ZNF366: variants seen among roughly 807,000 people sequenced by gnomAD.
ZNF366 encodes dendritic cell-specific transcript protein.
In ZNF366, 20 loss-of-function variants were observed where a neutral mutation model predicts 47.2. The ratio of observed to expected loss-of-function variants is 0.42; its 90% CI spans 0.30 to 0.62. The LOEUF (loss-of-function observed/expected upper bound fraction) is 0.62. Ranked by LOEUF, ZNF366 falls within the 20% of genes least tolerant of loss-of-function variation. ZNF366 has a pLI of 0.16. For synonymous variants in ZNF366, 421 were observed against 395.1 expected, an observed-to-expected ratio of 1.07 and a Z score of -0.78; for missense variants, 987 against 976.3, an observed-to-expected ratio of 1.01 and a Z score of -0.15.
Position 72,468,629 on chromosome 5 carries a change from TCAA to T in ZNF366, c.-14-7122_-14-7120del, listed in dbSNP as rs939910754. ...TAAGAAGCCCTTAGTAAAAAAATTA[TCAA>T]CAACAGATTCAGCTACTAACTTGCA... On this transcript the variant is annotated intron_variant, in intron 1 of 4. Transcript: ENST00000318442. 1.3e-4 allele frequency among the ~76,000 whole-genome samples: 20 copies of T among 152,364 alleles called. No homozygotes were observed. In the Middle Eastern group the frequency reaches 0.01, roughly 78 times the overall value.
At chr5:72,505,789 C>G (rs1744308131) in intron 1 of ZNF366, among the ~76,000 whole-genome samples, 1 of 152,190 alleles carries the variant, frequency 6.6e-6, no homozygotes. Flanking sequence ...ACCTCTTGAT[C>G]TGAAGATCTA....
Position 72,460,456 on chromosome 5 carries a change from G to C in ZNF366, c.1041C>G (p.Ala347=). 1.2e-6 allele frequency: 2 copies of C among 1,614,094 alleles called. No homozygotes were observed. Among genetic ancestry groups the C allele is most frequent in the Non-Finnish European group, 1.7e-6 (2 of 1,179,994 alleles). The stretch of plus-strand genomic sequence containing the variant: ...CGTGGGCCTTGAGCTCGCTGGGGTA[G>C]GCAAAGCCGCGGCCGCACACGCGGC... ...HNCRVCGRGF[A]YPSELKAHEA... Residue 347 remains alanine (A), a synonymous_variant, in exon 2 of 5, where the codon GCC becomes GCG. Transcript: ENST00000318442.
intron 1 of ZNF366, among the ~76,000 whole-genome samples, chr5:72,481,022 C>A (rs112120525): frequency 6.6e-6 from 1 of 152,048 alleles, no homozygotes; most frequent in African/African-American, 2.4e-5. Context: ...TATTGAAGGA[C>A]GGAAGGAACA....
At chr5:72,490,137 A>G (rs1743976406) in intron 1 of ZNF366, among the ~76,000 whole-genome samples, 1 of 152,234 alleles carries the variant, frequency 6.6e-6, no homozygotes, top group African/African-American at 2.4e-5. Flanking sequence ...CTTCAAGAGT[A>G]GCTTCAAGGG....
intron 1 of ZNF366, among the ~76,000 whole-genome samples, chr5:72,463,273 AC>A: frequency 6.6e-6 from 1 of 152,366 alleles, no homozygotes; most frequent in East Asian, 1.9e-4. Context: ...TACAATTAAA[AC>A]AAAAATGAGC....
In ZNF366 at chr5:72,460,307, T is replaced by G. The variant is rs747508500; in HGVS notation, c.1190A>C (p.Glu397Ala). ...CGGGTACTGGAAGGTCTTGTCGCAC[T>G]CGGAGCAGTTGTACTGGATGGGGCC... ...HRGPIQYNCS[E>A]CDKTFQYPSQ... is the part of the protein sequence containing the mutation. Residue 397 changes from glutamate (E) to alanine (A), a missense_variant, in exon 2 of 5, where the codon GAG becomes GCG. Physicochemically the swap from Glu to Ala is moderately radical, Grantham distance 107. Around this residue, in one of 3 missense-constraint regions of ZNF366, gnomAD observed 591 missense variants for 560.9 expected, o/e 1.05. Transcript: ENST00000318442. 3.1e-6 allele frequency: 5 copies of G among 1,614,096 alleles called. No individual in the cohort carries two copies. Among genetic ancestry groups the G allele is most frequent in the Non-Finnish European group, 4.2e-6 (5 of 1,180,038 alleles).
At chr5:72,484,320 TAAAAATACAAAA>T (rs1743846740) in intron 1 of ZNF366, among the ~76,000 whole-genome samples, 1 of 150,900 alleles carries the variant, frequency 6.6e-6, no homozygotes. Flanking sequence ...CCGTCTCTAC[TAAAAATACAAAA>T]AATTAGCCGG....
In ZNF366 at chr5:72,460,968, A is replaced by C; in HGVS notation, c.529T>G (p.Tyr177Asp). Residue 177 changes from tyrosine (Y) to aspartate (D), a missense_variant, in exon 2 of 5, where the codon TAC becomes GAC. Physicochemically the swap from Tyr to Asp is radical, Grantham distance 160. Coordinates refer to ENST00000318442, the MANE Select transcript of ZNF366 (RefSeq NM_152625.3). ...ATGAGGCCCGGGTGGACTTTGGGGT[A>C]GTAGGGGTAGGGCGTGGGCAGGAAT... ...TPFLPTPYPY[Y>D]PKVHPGLMFP... 1 of 1,613,176 alleles carries C rather than the reference A, an allele frequency of 6.2e-7. No individual in the cohort carries two copies. The highest frequency in any genetic ancestry group is 8.5e-7 in the Non-Finnish European group (1 of 1,179,488).
At chr5:72,473,715 T>C (rs976230228) in intron 1 of ZNF366, among the ~76,000 whole-genome samples, 1 of 152,208 alleles carries the variant, frequency 6.6e-6, no homozygotes, top group Non-Finnish European at 1.5e-5. Context: ...TCCTATGACA[T>C]TAAACCCACT....
At chr5:72,485,846 CT>C (rs1451293997) in intron 1 of ZNF366, among the ~76,000 whole-genome samples, 1 of 152,144 alleles carries the variant, frequency 6.6e-6, no homozygotes, top group Non-Finnish European at 1.5e-5. Flanking sequence ...TCTCCAGCCT[CT>C]GGTTGTTCCT....
chr5:72,451,102 C>CCTG (rs1450888721), intron 3 of ZNF366, among the ~76,000 whole-genome samples: 1 of 152,182 alleles, frequency 6.6e-6, no homozygotes, highest in African/African-American at 2.4e-5. Context: ...CCAAGCAGGA[C>CCTG]CTGCTGAATC....
At chr5:72,456,841 T>C (rs550487796) in intron 2 of ZNF366, among the ~76,000 whole-genome samples, 1 of 152,322 alleles carries the variant, frequency 6.6e-6, no homozygotes. Context: ...AAGAAAGCTC[T>C]TGCTTTTGTT....
chr5:72,464,091 T>C (rs1364176743), intron 1 of ZNF366, among the ~76,000 whole-genome samples: 2 of 152,202 alleles, frequency 1.3e-5, no homozygotes, highest in African/African-American at 4.8e-5. Context: ...GGTTCTCTTT[T>C]TAAAAATTTC....
At chr5:72,468,559 G>A (rs970140683) in intron 1 of ZNF366, among the ~76,000 whole-genome samples, 2 of 152,148 alleles carry the variant, frequency 1.3e-5, no homozygotes, top group African/African-American at 2.4e-5. Context: ...TGTCCATAAT[G>A]AACATGCATA....
chr5:72,487,928 G>T (rs948216505), intron 1 of ZNF366, among the ~76,000 whole-genome samples: 1 of 152,158 alleles, frequency 6.6e-6, no homozygotes, highest in African/African-American at 2.4e-5. Flanking sequence ...ACAGGGTACT[G>T]GGTGCGGTGG....
intron 1 of ZNF366, among the ~76,000 whole-genome samples, chr5:72,463,366 C>T (rs1421045029): frequency 1.3e-5 from 2 of 152,132 alleles, no homozygotes; most frequent in Non-Finnish European, 2.9e-5. Context: ...ACTATCTGGG[C>T]ATTATTTAAA....
At chr5:72,504,071 G>GCA (rs1428544769) in intron 1 of ZNF366, among the ~76,000 whole-genome samples, 2 of 151,518 alleles carry the variant, frequency 1.3e-5, no homozygotes, top group Non-Finnish European at 2.9e-5. Flanking sequence ...ACACACGCAC[G>GCA]CACACACACA....
At chr5:72,486,785 C>CT (rs551495440) in intron 1 of ZNF366, among the ~76,000 whole-genome samples, 42 of 145,954 alleles carry the variant, frequency 2.9e-4, no homozygotes, top group South Asian at 4.4e-4. Flanking sequence ...TTTTCCTTTT[C>CT]TTTTTTTTTT....
intron 3 of ZNF366, among the ~76,000 whole-genome samples, chr5:72,453,414 G>A (rs1316789918): frequency 6.6e-6 from 1 of 152,196 alleles, no homozygotes; most frequent in Non-Finnish European, 1.5e-5. Context: ...ACACCACGGA[G>A]CAGCCAGCCA....
Sources: gnomAD v4.1 joint callset for allele counts (sites outside exome capture counted in the v4.1 genomes callset) on GRCh38, gnomAD v4.1.1 for gene constraint, gnomAD v4.1.1 regional missense constraint, MANE v1.5 for transcripts, NCBI Gene and HGNC (gene_info 2026-07-23, HGNC 2026-07-21) for gene names.